Variants in CCNG2 observed in about 807,000 individuals in gnomAD.
CCNG2 encodes the protein cyclin G2.
A neutral mutation model predicts 36.5 loss-of-function variants in CCNG2; 20 were observed. That is an observed-to-expected ratio of 0.55 (90% CI 0.39 to 0.80). CCNG2 has a LOEUF of 0.80. CCNG2 is among the 30% of genes least tolerant of loss of function. The probability of loss-of-function intolerance (pLI) is 0.00; values close to 1 mark genes in which losing one functional copy is unlikely to be tolerated. For missense variants in CCNG2, 358 were observed against 390.8 expected (o/e 0.92, Z 0.71); for synonymous variants, 155 against 140.1 (o/e 1.11, Z -0.75).
intron 6 of CCNG2, among the ~76,000 whole-genome samples, chr4:77,163,330 A>T (rs886456384): frequency 6.6e-5 from 10 of 152,134 alleles, no homozygotes; most frequent in African/African-American, 2.4e-4. Context: ...GGTCAGGAGT[A>T]TTGAATTTTT....
At chr4:77,158,018 C>A (rs1318713505) in intron 1 of CCNG2, among the ~76,000 whole-genome samples, 1 of 151,710 alleles carries the variant, frequency 6.6e-6, no homozygotes, top group Non-Finnish European at 1.5e-5. Context: ...AAGCTGGGGG[C>A]GGGACTCTCC....
In CCNG2 at chr4:77,164,666, T is replaced by C. The variant is rs1306009524; in HGVS notation, c.911+187T>C. The C allele has an allele frequency of 1.2e-5, 6 of 517,186 alleles. No individual in the cohort carries two copies. In the African/African-American group the frequency reaches 1.2e-4, roughly 10 times the overall value. 32.0% of individuals were successfully genotyped at this position (517,186 alleles called of 1,614,324 possible). The stretch of plus-strand genomic sequence containing the variant: ...TAGTATTTTAATATGTAATGATTTA[T>C]AAGGTCCTCTCCAATTTTTTTAGTT... On this transcript the variant is annotated intron_variant, in intron 7 of 7. Coordinates refer to ENST00000316355, the MANE Select transcript of CCNG2 (RefSeq NM_004354.3).
Position 77,166,695 on chromosome 4 carries a change from G to A in CCNG2, c.*771G>A, listed in dbSNP as rs551947863. On this transcript the variant is annotated 3_prime_UTR_variant, in exon 8 of 8. Coordinates refer to ENST00000316355, the MANE Select transcript of CCNG2 (RefSeq NM_004354.3). ...AACAGTGCAGTAAGTTGAAAACTCA[G>A]TATCTATGGAATTGATAAATGTTGA... is the stretch of plus-strand genomic sequence containing the variant. The A allele has an allele frequency of 6.6e-6, 1 of 152,218 alleles. No homozygotes were observed. Among genetic ancestry groups the A allele is most frequent in the East Asian group, 1.9e-4 (1 of 5,184 alleles). The allele number at this position is 152,218 out of a possible 1,614,324, so 9.4% of individuals were successfully genotyped here. A position where few individuals can be genotyped will look rare whatever the true frequency, so the allele number is the denominator to read the frequency against.
At position 77,164,455 on chromosome 4, in the gene CCNG2, G is replaced by C. The variant is rs1482626555; in HGVS notation, c.887G>C (p.Gly296Ala). Residue 296 changes from glycine (G) to alanine (A), a missense_variant, in exon 7 of 8, where the codon GGG (glycine) becomes GCG (alanine). Gly to Ala is a moderately conservative substitution (Grantham distance 60, BLOSUM62 0). Transcript: ENST00000316355. ...CCTGAGCTGCCAACGATACCTGAGG[G>C]GGGTTGTTTTGATGAAAGTGAAAGG... is the stretch of plus-strand genomic sequence containing the variant. ...SVPELPTIPE[G>A]GCFDESESED... is the part of the protein sequence containing the mutation. 3 of 1,613,852 alleles carry C rather than the reference G, an allele frequency of 1.9e-6. No individual in the cohort carries two copies. The highest frequency in any genetic ancestry group is 2.5e-6 in the Non-Finnish European group (3 of 1,179,830).
chr4:77,160,992 A>T, intron 4 of CCNG2, 21 bp downstream of exon 4: 1 of 1,569,056 alleles, frequency 6.4e-7, no homozygotes, highest in South Asian at 1.1e-5. Flanking sequence ...TTAAAGATAC[A>T]TTTTGTACTT....
Position 77,169,190 on chromosome 4 carries a change from T to A in CCNG2, c.*3266T>A, listed in dbSNP as rs1303506389. 2 of 152,240 alleles carry A rather than the reference T, an allele frequency of 1.3e-5. No homozygotes were observed. The highest frequency in any genetic ancestry group is 4.8e-5 in the African/African-American group (2 of 41,458). 9.4% of individuals were successfully genotyped at this position (152,240 alleles called of 1,614,324 possible). A position where few individuals can be genotyped will look rare whatever the true frequency, so the allele number is the denominator to read the frequency against. On this transcript the variant is annotated 3_prime_UTR_variant, in exon 8 of 8. Transcript: ENST00000316355. ...GTCTAGAGTCTGCCTTTTTCTTTTT[T>A]ACAATTTCTTTTATTTCAACACTAG...
At chr4:77,159,261 T>A (rs1002632040) in intron 2 of CCNG2, 106 bp from the exon 3 acceptor site, 3 of 1,026,788 alleles carry the variant, frequency 2.9e-6, no homozygotes, top group African/African-American at 3.2e-5. Flanking sequence ...GGGAAAAAAA[T>A]TAACCTTATT....
At chr4:77,158,414 C>A in intron 1 of CCNG2, 119 bp from the exon 2 acceptor site, 1 of 963,044 alleles carries the variant, frequency 1.0e-6, no homozygotes, top group Non-Finnish European at 1.6e-6. Context: ...CCTTCACCCG[C>A]TCCTTGTCGG....
chr4:77,161,099 C>CTTTTTT lies in CCNG2; in HGVS notation c.527+142_527+147dup, dbSNP rs34505988. On this transcript the variant is annotated intron_variant, in intron 4 of 7. Coordinates refer to ENST00000316355, the MANE Select transcript of CCNG2 (RefSeq NM_004354.3). ...TTCAACTTTGACTTTATTGGTAAAT[C>CTTTTTT]TTTTTTTTTTTTTTTTTTTGGAGAA... 3.2e-3 allele frequency: 985 copies of CTTTTTT among 307,090 alleles called. 3 individuals carry two copies. The highest frequency in any genetic ancestry group is 4.9e-3 in the South Asian group (143 of 29,348). 19.0% of individuals were successfully genotyped at this position (307,090 alleles called of 1,614,324 possible).
At position 77,165,887 on chromosome 4, in the gene CCNG2, A is replaced by G. The variant is rs773545591; in HGVS notation, c.998A>G (p.Asn333Ser). The G allele has an allele frequency of 6.8e-6, 11 of 1,611,446 alleles. No homozygotes were observed. The East Asian group carries it at 1.6e-4, about 23-fold the overall frequency. Residue 333 changes from asparagine (N) to serine (S), a missense_variant, in exon 8 of 8, where the codon AAC becomes AGC. Coordinates refer to ENST00000316355, the MANE Select transcript of CCNG2 (RefSeq NM_004354.3). ...PSDQECTFFFNFKVAQTLCFP... is the reference protein window; with the variant it reads ...PSDQECTFFFSFKVAQTLCFP... Reference sequence around the variant, plus strand: ...GATCAAGAGTGCACCTTCTTTTTCAACTTCAAAGTGGCACAAACACTGTGC... The same window carrying G: ...GATCAAGAGTGCACCTTCTTTTTCAGCTTCAAAGTGGCACAAACACTGTGC...
intron 7 of CCNG2, chr4:77,165,090 T>G (rs1213664522): frequency 6.6e-6 from 1 of 152,254 alleles, no homozygotes; most frequent in Non-Finnish European, 1.5e-5. Flanking sequence ...TGTTGTCTTA[T>G]TCAGAATTTG....
Position 77,161,723 on chromosome 4 carries a change from C to T in CCNG2, c.681C>T (p.Leu227=), listed in dbSNP as rs1406902367. 3 of 1,604,676 alleles carry T rather than the reference C, an allele frequency of 1.9e-6. No homozygotes were observed. Among genetic ancestry groups the T allele is most frequent in the Non-Finnish European group, 2.6e-6 (3 of 1,176,054 alleles). Residue 227 remains leucine, a synonymous_variant, in exon 6 of 8, where the codon CTC becomes CTT. Coordinates refer to ENST00000316355, the MANE Select transcript of CCNG2 (RefSeq NM_004354.3). Reference sequence around the variant, plus strand: ...AATCTGTTGAATTACTGGAAATTCTCTTGCTAGTTAAAAAACATTCCAAGG... The same window carrying T: ...AATCTGTTGAATTACTGGAAATTCTTTTGCTAGTTAAAAAACATTCCAAGG... ...TLKSVELLEI[L]LLVKKHSKIN...
Position 77,161,519 on chromosome 4 carries a change from G to A in CCNG2, c.567G>A (p.Leu189=). 1 of 1,612,380 alleles carries A rather than the reference G, an allele frequency of 6.2e-7. No homozygotes were observed. Reference sequence around the variant, plus strand: ...GCCTTGATAAACTAGAAGCTCAGCTGAAAGCTTGCAACTGCCGACTCATCT... The same window carrying A: ...GCCTTGATAAACTAGAAGCTCAGCTAAAAGCTTGCAACTGCCGACTCATCT... ...ILSLDKLEAQ[L]KACNCRLIFS... is the part of the protein sequence containing the mutation. The change falls in exon 5 of 8, where the codon CTG becomes CTA. Residue 189 remains leucine, a synonymous_variant. Transcript: ENST00000316355.
intron 4 of CCNG2, 128 bp downstream of exon 4, chr4:77,161,099 CTTT>C (rs34505988): frequency 0.017 from 5,312 of 304,110 alleles, no homozygotes; most frequent in South Asian, 0.024. Flanking sequence ...ATTGGTAAAT[CTTT>C]TTTTTTTTTT....
In CCNG2 at chr4:77,168,404, A is replaced by G. The variant is rs569395570; in HGVS notation, c.*2480A>G. 2.4e-4 allele frequency: 37 copies of G among 152,270 alleles called. No homozygotes were observed. The highest frequency in any genetic ancestry group is 8.2e-4 in the African/African-American group (34 of 41,540). The allele number at this position is 152,270 out of a possible 1,614,324, so 9.4% of individuals were successfully genotyped here. On this transcript the variant is annotated 3_prime_UTR_variant, in exon 8 of 8. Coordinates refer to ENST00000316355, the MANE Select transcript of CCNG2 (RefSeq NM_004354.3). Reference sequence around the variant, plus strand: ...TCCTGGTCTCTGCCTTCCTATCTACATATCCTTTTAAAATAAAATTTTAAC... The same window carrying G: ...TCCTGGTCTCTGCCTTCCTATCTACGTATCCTTTTAAAATAAAATTTTAAC...
intron 7 of CCNG2, 68 bp downstream of exon 7, chr4:77,164,547 C>G: frequency 1.7e-6 from 2 of 1,167,634 alleles, no homozygotes; most frequent in East Asian, 4.9e-5. Context: ...ATACTCAGAA[C>G]TGGAATAGTG....
chr4:77,161,045 G>T, intron 4 of CCNG2, 74 bp downstream of exon 4: 43 of 915,002 alleles, frequency 4.7e-5, no homozygotes, highest in East Asian at 3.1e-4. Context: ...GAATGGCAAT[G>T]AAATTTATAT....
intron 7 of CCNG2, among the ~76,000 whole-genome samples, 167 bp from the exon 8 acceptor site, chr4:77,165,634 T>C (rs1477853641): frequency 6.6e-6 from 1 of 152,182 alleles, no homozygotes; most frequent in African/African-American, 2.4e-5. Flanking sequence ...CCAATGAGAT[T>C]ACTATAGACT....
Position 77,161,494 on chromosome 4 carries a change from G to A in CCNG2, c.542G>A (p.Ser181Asn), listed in dbSNP as rs1458441414. ...CHTSERKEIL[S>N]LDKLEAQLKA... ...GCATTGTATAGGAAAGAAATACTGA[G>A]CCTTGATAAACTAGAAGCTCAGCTG... The change falls in exon 5 of 8, where the codon AGC (serine) becomes AAC (asparagine). Residue 181 changes from serine to asparagine, a missense_variant. Transcript: ENST00000316355. 1 of 1,602,742 alleles carries A rather than the reference G, an allele frequency of 6.2e-7. No individual in the cohort carries two copies. The highest frequency in any genetic ancestry group is 1.3e-5 in the African/African-American group (1 of 74,126).
Sources: gnomAD v4.1 joint callset for allele counts (sites outside exome capture counted in the v4.1 genomes callset) on GRCh38, gnomAD v4.1.1 for gene constraint, MANE v1.5 for transcripts, NCBI Gene and HGNC (gene_info 2026-07-23, HGNC 2026-07-21) for gene names.